Variants in FHIP1A observed in about 807,000 individuals in gnomAD.
FHIP1A encodes FHF complex subunit HOOK-interacting protein 1A.
In FHIP1A, 61 loss-of-function variants were observed where a neutral mutation model predicts 88.6. That is an observed-to-expected ratio of 0.69 (90% CI 0.56 to 0.85). FHIP1A has a LOEUF of 0.85. FHIP1A is among the 40% of genes least tolerant of loss of function. The pLI, the probability that FHIP1A is intolerant of heterozygous loss-of-function variation, is 0.00. For missense variants in FHIP1A, 1,154 were observed against 1,273.5 expected, an observed-to-expected ratio of 0.91 and a Z score of 1.43; for synonymous variants, 478 against 496.0, an observed-to-expected ratio of 0.96 and a Z score of 0.48.
intron 6 of FHIP1A, among the ~76,000 whole-genome samples, chr4:151,587,974 A>G (rs1265634601): frequency 6.6e-6 from 1 of 152,124 alleles, no homozygotes; most frequent in African/African-American, 2.4e-5. Flanking sequence ...TTGAAGATCT[A>G]GCTTCACTTT....
intron 7 of FHIP1A, among the ~76,000 whole-genome samples, chr4:151,628,414 C>G (rs951146905): frequency 2.0e-5 from 3 of 151,866 alleles, no homozygotes; most frequent in Non-Finnish European, 4.4e-5. Context: ...CCTTTATGCA[C>G]AGATGCATCC....
At chr4:151,646,270 G>T (rs1176341889) in intron 9 of FHIP1A, among the ~76,000 whole-genome samples, 2 of 152,198 alleles carry the variant, frequency 1.3e-5, no homozygotes, top group Non-Finnish European at 2.9e-5. Context: ...CCAGGTAAAG[G>T]TGACAGTGGG....
At chr4:151,445,697 A>C (rs1218831980) in intron 1 of FHIP1A, among the ~76,000 whole-genome samples, 1 of 151,564 alleles carries the variant, frequency 6.6e-6, no homozygotes, top group Non-Finnish European at 1.5e-5. Flanking sequence ...AAATATATAT[A>C]TAGGTCTTCT....
chr4:151,507,166 C>G (rs1295075920), intron 3 of FHIP1A, among the ~76,000 whole-genome samples: 3 of 152,152 alleles, frequency 2.0e-5, no homozygotes, highest in Non-Finnish European at 2.9e-5. Context: ...CTCTGTCACC[C>G]AGGACATAGT....
chr4:151,447,233 TTGTC>T (rs1417175898), intron 1 of FHIP1A, among the ~76,000 whole-genome samples: 1 of 152,160 alleles, frequency 6.6e-6, no homozygotes, highest in Non-Finnish European at 1.5e-5. Flanking sequence ...CTGAAATAGT[TTGTC>T]TGTTTTTGAA....
At chr4:151,500,468 C>T (rs1039095590) in intron 3 of FHIP1A, among the ~76,000 whole-genome samples, 1 of 146,000 alleles carries the variant, frequency 6.8e-6, no homozygotes, top group Non-Finnish European at 1.5e-5. Context: ...AGACTTTGGA[C>T]AGCCTGCCTG....
intron 1 of FHIP1A, among the ~76,000 whole-genome samples, chr4:151,428,119 G>A (rs147821447): frequency 2.0e-5 from 3 of 152,086 alleles, no homozygotes; most frequent in African/African-American, 7.2e-5. Context: ...TGTTTATTCA[G>A]GAATATTTCT....
intron 11 of FHIP1A, among the ~76,000 whole-genome samples, chr4:151,653,526 A>G (rs1737111387): frequency 6.6e-6 from 1 of 152,104 alleles, no homozygotes; most frequent in African/African-American, 2.4e-5. Flanking sequence ...TAAATAATAA[A>G]TATACTTCCT....
intron 1 of FHIP1A, among the ~76,000 whole-genome samples, chr4:151,417,687 C>G (rs1386503160): frequency 6.6e-6 from 1 of 152,168 alleles, no homozygotes; most frequent in Non-Finnish European, 1.5e-5. Flanking sequence ...AGACCCTGTT[C>G]TTCTGCCTCA....
In FHIP1A at chr4:151,588,856, T is replaced by C. The variant is rs1026734822; in HGVS notation, c.908T>C (p.Ile303Thr). The C allele has an allele frequency of 1.3e-6, 2 of 1,551,124 alleles. No individual in the cohort carries two copies. Among genetic ancestry groups the C allele is most frequent in the Non-Finnish European group, 1.7e-6 (2 of 1,146,616 alleles). ...NAVIQVAHPLIRNQLVNYIYN... is the reference protein window; with the variant it reads ...NAVIQVAHPLTRNQLVNYIYN... ...CTCTCTCAGGTGGCTCACCCCTTGA[T>C]TCGAAATCAGCTTGTCAATTACATT... Residue 303 changes from isoleucine (I) to threonine (T), a missense_variant, in exon 7 of 14, where the codon ATT (isoleucine) becomes ACT (threonine). Ile to Thr is a moderately conservative substitution (Grantham distance 89). Transcript: ENST00000435205.
intron 1 of FHIP1A, among the ~76,000 whole-genome samples, chr4:151,410,278 A>G (rs1375393679): frequency 6.6e-6 from 1 of 152,246 alleles, no homozygotes; most frequent in African/African-American, 2.4e-5. Flanking sequence ...AGCCCCAGCT[A>G]TCCAGGGACA....
At chr4:151,420,249 C>A (rs997738975) in intron 1 of FHIP1A, among the ~76,000 whole-genome samples, 1 of 47,508 alleles carries the variant, frequency 2.1e-5, no homozygotes, top group African/African-American at 9.2e-5. Context: ...CTCTCCAGCA[C>A]CTGTTGTTTC....
intron 7 of FHIP1A, among the ~76,000 whole-genome samples, chr4:151,616,906 C>G (rs1735555598): frequency 6.6e-6 from 1 of 152,092 alleles, no homozygotes; most frequent in Non-Finnish European, 1.5e-5. Context: ...GGCCACCACA[C>G]CCAGCTAATT....
chr4:151,623,515 C>T (rs1383724667), intron 7 of FHIP1A, among the ~76,000 whole-genome samples: 1 of 139,236 alleles, frequency 7.2e-6, no homozygotes, highest in Non-Finnish European at 1.5e-5. Flanking sequence ...CGCTGACTTC[C>T]TGGTCCTTTT....
At position 151,457,725 on chromosome 4, in the gene FHIP1A, C is replaced by T. The variant is rs114259442; in HGVS notation, c.-248+2917C>T. Among the ~76,000 whole-genome samples, 399 of 152,160 alleles carry T rather than the reference C, an allele frequency of 2.6e-3. 1 individual carries two copies. Among genetic ancestry groups the T allele is most frequent in the African/African-American group, 9.2e-3 (380 of 41,530 alleles). On this transcript the variant is annotated intron_variant, in intron 2 of 13. Transcript: ENST00000435205. The stretch of plus-strand genomic sequence containing the variant: ...AATGTCTTTGATTTAACTCCCCTTC[C>T]GCCCCTTTTTTAGGTATCTCTGAGA...
intron 2 of FHIP1A, among the ~76,000 whole-genome samples, chr4:151,480,248 TAA>T (rs1729846822): frequency 6.6e-6 from 1 of 152,052 alleles, no homozygotes; most frequent in Non-Finnish European, 1.5e-5. Flanking sequence ...TGGTAAAATA[TAA>T]GAGTGGTTCT....
At chr4:151,490,900 G>C (rs888099779) in intron 3 of FHIP1A, among the ~76,000 whole-genome samples, 5 of 151,974 alleles carry the variant, frequency 3.3e-5, no homozygotes, top group Admixed American at 6.6e-5. Flanking sequence ...AAGAACTTCA[G>C]ACCTTGAAGA....
rs1472417717 is a variant in FHIP1A at position 151,656,711 on chromosome 4, G to A, written c.2731-49G>A. ...CTGCAAGATATATTGATAACTGGGA[G>A]TGGAATTTCATGGTGAGGCATTAAC... On this transcript the variant is annotated intron_variant, in intron 12 of 13. Coordinates refer to ENST00000435205, the MANE Select transcript of FHIP1A (RefSeq NM_001109977.3). This position sits in a 1 kb window ranked among gnomAD's most constrained non-coding sequence, Gnocchi z 4.2. The A allele has an allele frequency of 6.6e-7, 1 of 1,524,398 alleles. No individual in the cohort carries two copies. The highest frequency in any genetic ancestry group is 2.0e-5 in the Admixed American group (1 of 49,222). The allele number at this position is 1,524,398 out of a possible 1,614,324, so 94.4% of individuals were successfully genotyped here. A position where few individuals can be genotyped will look rare whatever the true frequency, so the allele number is the denominator to read the frequency against.
At chr4:151,522,081 T>G (rs866200076) in intron 3 of FHIP1A, among the ~76,000 whole-genome samples, 1 of 152,228 alleles carries the variant, frequency 6.6e-6, no homozygotes, top group Admixed American at 6.5e-5. Context: ...ACTTTCACTA[T>G]CACTCTATGA....
Sources: gnomAD v4.1 joint callset for allele counts (sites outside exome capture counted in the v4.1 genomes callset) on GRCh38, gnomAD v4.1.1 for gene constraint, Gnocchi (gnomAD v3.1) non-coding constraint, MANE v1.5 for transcripts, NCBI Gene and HGNC (gene_info 2026-07-23, HGNC 2026-07-21) for gene names.